The following TPTE variants were observed in gnomAD, a reference collection of about 807,000 sequenced individuals.
TPTE encodes putative tyrosine-protein phosphatase TPTE.
TPTE carries 59 observed loss-of-function variants against 84.1 expected under a neutral mutation model. The ratio of observed to expected loss-of-function variants is 0.70; its 90% confidence interval spans 0.57 to 0.87. The LOEUF is 0.87. Ranked by LOEUF, TPTE falls within the 40% of genes least tolerant of loss-of-function variation. TPTE has a pLI of 0.00. For missense variants in TPTE, 382 were observed against 659.6 expected (o/e 0.58, Z 4.61); for synonymous variants, 130 against 223.5 (o/e 0.58, Z 3.73).
chr21:10,564,813 A>G (rs926753743), intron 10 of TPTE, among the ~76,000 whole-genome samples: 15 of 152,310 alleles, frequency 9.8e-5, no homozygotes, highest in African/African-American at 3.6e-4. Context: ...CTTCATGGTA[A>G]ACACCCTAAA....
At position 10,529,730 on chromosome 21, in the gene TPTE, G is replaced by A. The variant is rs548844790; in HGVS notation, c.-44+2318G>A. ...TTGAGAGGTATTGCCAGATTTATTCGCTGACAAGTAAATATTATTCAGTTT... is the reference window on the plus strand; with the variant it reads ...TTGAGAGGTATTGCCAGATTTATTCACTGACAAGTAAATATTATTCAGTTT... On this transcript the variant is annotated intron_variant, in intron 3 of 23. Transcript: ENST00000618007. 7.2e-5 allele frequency among the ~76,000 whole-genome samples: 11 copies of A among 152,424 alleles called. No individual in the cohort carries two copies. The South Asian group carries it at 8.3e-4, about 11-fold the overall frequency.
intron 10 of TPTE, among the ~76,000 whole-genome samples, chr21:10,566,782 G>T (rs2145693119): frequency 6.6e-6 from 1 of 152,408 alleles, no homozygotes; most frequent in Non-Finnish European, 1.5e-5. Flanking sequence ...TTCGAGACCA[G>T]CCTGACCAAC....
chr21:10,595,825 G>A (rs2075571471), intron 19 of TPTE, among the ~76,000 whole-genome samples, 157 bp from the exon 20 acceptor site: 2 of 152,412 alleles, frequency 1.3e-5, no homozygotes, highest in Admixed American at 6.5e-5. Flanking sequence ...TAGTTGTGGG[G>A]CAGCATCCCT....
intron 3 of TPTE, among the ~76,000 whole-genome samples, chr21:10,532,936 A>G (rs2074204404): frequency 6.6e-6 from 1 of 152,306 alleles, no homozygotes; most frequent in South Asian, 2.1e-4. Flanking sequence ...TGCTGTTTCT[A>G]GAAGGTGTTA....
chr21:10,591,052 C>CGG, intron 18 of TPTE, among the ~76,000 whole-genome samples: 2 of 152,310 alleles, frequency 1.3e-5, no homozygotes, highest in South Asian at 2.1e-4. Context: ...GATAAATTCT[C>CGG]CAAAGAGCCT....
At chr21:10,592,455 T>G in intron 19 of TPTE, 82 bp downstream of exon 19, 1 of 1,547,612 alleles carries the variant, frequency 6.5e-7, no homozygotes, top group Non-Finnish European at 8.9e-7. Context: ...CATTTTAGAC[T>G]CCTCTCCTTT....
intron 2 of TPTE, among the ~76,000 whole-genome samples, chr21:10,524,891 G>A (rs1204321782): frequency 1.3e-5 from 2 of 152,300 alleles, no homozygotes; most frequent in African/African-American, 4.8e-5. Flanking sequence ...CTGTGACCCA[G>A]CAAATAAAAA....
intron 19 of TPTE, among the ~76,000 whole-genome samples, chr21:10,594,424 C>A (rs1394821079): frequency 6.6e-6 from 1 of 152,312 alleles, no homozygotes; most frequent in Non-Finnish European, 1.5e-5. Flanking sequence ...GCTTACCCAT[C>A]TTTCCACCCT....
chr21:10,534,441 G>A (rs1411090914), intron 3 of TPTE, among the ~76,000 whole-genome samples: 2 of 152,428 alleles, frequency 1.3e-5, no homozygotes, highest in East Asian at 3.8e-4. Context: ...AATTGCATGT[G>A]TTTTGTTTGT....
intron 3 of TPTE, among the ~76,000 whole-genome samples, chr21:10,533,132 A>G (rs1208467596): frequency 6.6e-6 from 1 of 152,302 alleles, no homozygotes; most frequent in Admixed American, 6.5e-5. Context: ...CTTCTTTAGT[A>G]TGTTCTCTTT....
intron 21 of TPTE, among the ~76,000 whole-genome samples, chr21:10,599,244 A>G (rs1234985461): frequency 2.0e-5 from 3 of 152,310 alleles, no homozygotes; most frequent in Non-Finnish European, 4.4e-5. Context: ...TGCCTTTGAC[A>G]GTTTTCTATG....
At chr21:10,592,666 AG>A (rs2075504259) in intron 19 of TPTE, among the ~76,000 whole-genome samples, 1 of 152,310 alleles carries the variant, frequency 6.6e-6, no homozygotes, top group African/African-American at 2.4e-5. Flanking sequence ...CCAGTACCCA[AG>A]GCTCCAGGAC....
intron 21 of TPTE, among the ~76,000 whole-genome samples, chr21:10,601,775 C>T (rs1162606311): frequency 6.6e-6 from 1 of 152,312 alleles, no homozygotes; most frequent in African/African-American, 2.4e-5. Context: ...ATCACTTGAA[C>T]CTGGGAGGCA....
At chr21:10,572,450 C>CAAAAAAAAA (rs58796102) in intron 14 of TPTE, among the ~76,000 whole-genome samples, 3 of 131,986 alleles carry the variant, frequency 2.3e-5, no homozygotes, top group Non-Finnish European at 5.0e-5. Flanking sequence ...AGACTGTATC[C>CAAAAAAAAA]AAAAAAAAAA....
At chr21:10,581,282 T>C (rs2075266728) in intron 17 of TPTE, among the ~76,000 whole-genome samples, 1 of 152,312 alleles carries the variant, frequency 6.6e-6, no homozygotes, top group South Asian at 2.1e-4. Context: ...GCTTTAAAAA[T>C]GGCCATTTCA....
intron 7 of TPTE, among the ~76,000 whole-genome samples, chr21:10,543,918 C>T (rs1052083295): frequency 6.6e-5 from 10 of 152,420 alleles, no homozygotes; most frequent in South Asian, 2.1e-4. Context: ...CCCACACACT[C>T]GAGAGCTCTG....
intron 4 of TPTE, among the ~76,000 whole-genome samples, chr21:10,540,351 T>G (rs2074346574): frequency 1.3e-5 from 2 of 152,308 alleles, no homozygotes; most frequent in Admixed American, 6.5e-5. Context: ...TAGAGTCCTC[T>G]CAGAATGAGC....
intron 17 of TPTE, among the ~76,000 whole-genome samples, chr21:10,583,731 G>A (rs868243873): frequency 8.6e-4 from 131 of 151,970 alleles, no homozygotes; most frequent in Non-Finnish European, 1.6e-3. Flanking sequence ...TGTGTGTGGT[G>A]TGAGGAAGGC....
intron 2 of TPTE, among the ~76,000 whole-genome samples, 200 bp from the exon 3 acceptor site, chr21:10,527,155 T>TCA (rs1302903658): frequency 2.8e-5 from 4 of 144,652 alleles, no homozygotes; most frequent in South Asian, 5.0e-4. Context: ...TCTCTCTCTC[T>TCA]CTCACACACA....
Sources: allele counts gnomAD v4.1 joint callset (sites outside exome capture counted in the v4.1 genomes callset), GRCh38; gene constraint gnomAD v4.1.1; transcripts MANE v1.5; gene names NCBI Gene and HGNC (gene_info 2026-07-23, HGNC 2026-07-21).